Variants in CACNA1B observed in about 807,000 individuals in gnomAD.
CACNA1B encodes voltage-dependent N-type calcium channel subunit alpha-1B.
A neutral mutation model predicts 247.2 loss-of-function variants in CACNA1B; 70 were observed. That is an observed-to-expected ratio of 0.28 (90% confidence interval 0.23 to 0.35). The LOEUF (loss-of-function observed/expected upper bound fraction) is 0.35, where lower values mean the gene tolerates loss of function less well. CACNA1B is among the 10% of genes least tolerant of loss of function. The probability of loss-of-function intolerance (pLI) is 1.00; values close to 1 mark genes in which losing one functional copy is unlikely to be tolerated. For missense variants in CACNA1B, 2,367 were observed against 3,197.4 expected (o/e 0.74, Z 6.26); for synonymous variants, 1,231 against 1,294.4 (o/e 0.95, Z 1.05).
intron 3 of CACNA1B, among the ~76,000 whole-genome samples, chr9:137,885,380 G>T (rs1314445115): frequency 6.6e-6 from 1 of 152,216 alleles, no homozygotes; most frequent in South Asian, 2.1e-4. Flanking sequence ...TCCATGGGGA[G>T]CCCAGGGAGG....
chr9:137,972,293 T>C (rs1203942855), intron 11 of CACNA1B, among the ~76,000 whole-genome samples: 7 of 150,832 alleles, frequency 4.6e-5, no homozygotes, highest in Non-Finnish European at 8.9e-5. Flanking sequence ...AGTCCACCCA[T>C]GTTTTATGTC....
rs1172503294 is a variant in CACNA1B, at chr9:138,011,984, G to T, written c.2161-1145G>T. On this transcript the variant is annotated intron_variant, in intron 17 of 46. Coordinates refer to ENST00000371372, the MANE Select transcript of CACNA1B (RefSeq NM_000718.4). This position sits in a 1 kb window ranked among gnomAD's most constrained non-coding sequence, Gnocchi z 4.2. Reference sequence around the variant, plus strand: ...CATTCTGAGGCCTGTGGTCTCAGCCGAGAACTATTGATCCGGAACCCAGGT... The same window carrying T: ...CATTCTGAGGCCTGTGGTCTCAGCCTAGAACTATTGATCCGGAACCCAGGT... Among the ~76,000 whole-genome samples the T allele has an allele frequency of 6.6e-6, 1 of 152,144 alleles. No individual in the cohort carries two copies. The highest frequency in any genetic ancestry group is 6.5e-5 in the Admixed American group (1 of 15,282).
rs146014478 is a variant in CACNA1B at position 138,097,358 on chromosome 9, G to T, written c.5222+747G>T. Among the ~76,000 whole-genome samples, 533 of 152,278 alleles carry T rather than the reference G, an allele frequency of 3.5e-3. 3 individuals are homozygous for T. The highest frequency in any genetic ancestry group is 0.011 in the African/African-American group (441 of 41,552). On this transcript the variant is annotated intron_variant, in intron 37 of 46. Coordinates refer to ENST00000371372, the MANE Select transcript of CACNA1B (RefSeq NM_000718.4). ...CTGTTTGAGATCAGGATCCATGGGG[G>T]TCCCGTACAGCATGGCATCTCAGCA...
chr9:137,910,468 G>A (rs1321827646), intron 3 of CACNA1B, among the ~76,000 whole-genome samples: 2 of 152,136 alleles, frequency 1.3e-5, no homozygotes, highest in Non-Finnish European at 2.9e-5. Context: ...CGATTCAAGT[G>A]CGTTATTACA....
chr9:137,878,290 C>A, intron 1 of CACNA1B, 73 bp downstream of exon 1: 2 of 1,152,084 alleles, frequency 1.7e-6, no homozygotes, highest in Non-Finnish European at 2.2e-6. Context: ...GCCATCTTCC[C>A]GGTGGCCGGG....
intron 6 of CACNA1B, among the ~76,000 whole-genome samples, chr9:137,924,367 C>T (rs1266304365): frequency 6.7e-6 from 1 of 149,154 alleles, no homozygotes; most frequent in Non-Finnish European, 1.5e-5. Context: ...TTCCCTCCCT[C>T]TTTCCCCTCC....
intron 20 of CACNA1B, among the ~76,000 whole-genome samples, chr9:138,041,884 CG>C (rs1033213450): frequency 6.6e-6 from 1 of 152,074 alleles, no homozygotes; most frequent in African/African-American, 2.4e-5. Flanking sequence ...CCTCTGGAGT[CG>C]CTGGAACTGT....
chr9:138,064,698 C>T (rs1017463432), intron 31 of CACNA1B, among the ~76,000 whole-genome samples: 6 of 152,312 alleles, frequency 3.9e-5, no homozygotes, highest in African/African-American at 7.2e-5. Context: ...ATTGAGGCCT[C>T]GCTGCCCACT....
intron 40 of CACNA1B, among the ~76,000 whole-genome samples, chr9:138,113,069 A>G (rs1203528085): frequency 2.4e-5 from 3 of 123,780 alleles, no homozygotes; most frequent in African/African-American, 9.9e-5. Flanking sequence ...GAGGTGCCCA[A>G]CTCCATCTTG....
rs199588193 is a variant in CACNA1B, at chr9:137,878,122, G to A, written c.189G>A (p.Pro63=). The change falls in exon 1 of 47, where the codon CCG becomes CCA. Residue 63 remains proline, a synonymous_variant. Coordinates refer to ENST00000371372, the MANE Select transcript of CACNA1B (RefSeq NM_000718.4). ...ARTMALYNPI[P]VKQNCFTVNR... Reference sequence around the variant, plus strand: ...CCATGGCGCTGTACAACCCCATCCCGGTCAAGCAGAACTGCTTCACCGTCA... The same window carrying A: ...CCATGGCGCTGTACAACCCCATCCCAGTCAAGCAGAACTGCTTCACCGTCA... 3 of 1,337,818 alleles carry A rather than the reference G, an allele frequency of 2.2e-6. No homozygotes were observed. Among genetic ancestry groups the A allele is most frequent in the Non-Finnish European group, 2.9e-6 (3 of 1,035,528 alleles). 82.9% of individuals were successfully genotyped at this position (1,337,818 alleles called of 1,614,324 possible).
intron 10 of CACNA1B, among the ~76,000 whole-genome samples, chr9:137,968,344 C>T (rs547269900): frequency 2.0e-5 from 3 of 152,338 alleles, no homozygotes; most frequent in Admixed American, 1.3e-4. Flanking sequence ...CCCGTGTCAC[C>T]CTGTCGGCCC....
At chr9:137,943,079 T>C (rs984609799) in intron 6 of CACNA1B, among the ~76,000 whole-genome samples, 7 of 148,704 alleles carry the variant, frequency 4.7e-5, no homozygotes, top group African/African-American at 1.0e-4. Context: ...AGTTTCAAAC[T>C]TTTGTAAAGC....
At chr9:137,938,025 A>G (rs1392377544) in intron 6 of CACNA1B, among the ~76,000 whole-genome samples, 1 of 151,120 alleles carries the variant, frequency 6.6e-6, no homozygotes, top group Non-Finnish European at 1.5e-5. Context: ...GCACCAGGTA[A>G]CCTATAAAGG....
chr9:138,059,307 T>C lies in CACNA1B; in HGVS notation c.4584+118T>C. On this transcript the variant is annotated intron_variant, in intron 30 of 46. Coordinates refer to ENST00000371372, the MANE Select transcript of CACNA1B (RefSeq NM_000718.4). The surrounding 1 kb of genome is among the most constrained non-coding windows in gnomAD (Gnocchi z 4.2). Reference sequence around the variant, plus strand: ...GGGAATTCTCCGAGTACCCAGAGTATATGTAATGCTACAGGGGCCCTGGGG... The same window carrying C: ...GGGAATTCTCCGAGTACCCAGAGTACATGTAATGCTACAGGGGCCCTGGGG... The C allele has an allele frequency of 1.5e-6, 1 of 669,426 alleles. No homozygotes were observed. Among genetic ancestry groups the C allele is most frequent in the Admixed American group, 2.2e-5 (1 of 45,968 alleles). 41.5% of individuals were successfully genotyped at this position (669,426 alleles called of 1,614,324 possible).
intron 36 of CACNA1B, 35 bp downstream of exon 36, chr9:138,078,293 C>T (rs1960398175): frequency 6.2e-6 from 10 of 1,603,070 alleles, no homozygotes; most frequent in African/African-American, 4.0e-5. Context: ...CCCAGTGCCA[C>T]GTCTTGTCTC....
At position 138,058,914 on chromosome 9, in the gene CACNA1B, G is replaced by A. The variant is rs1959614032; in HGVS notation, c.4474-165G>A. On this transcript the variant is annotated intron_variant, in intron 29 of 46. Transcript: ENST00000371372. The surrounding 1 kb of genome is among the most constrained non-coding windows in gnomAD (Gnocchi z 4.7). ...TTTCCCTTTGTTGTCTGTGGGCTGGGACAGTGGGGAGGTTCTGGGAGGACT... is the reference window on the plus strand; with the variant it reads ...TTTCCCTTTGTTGTCTGTGGGCTGGAACAGTGGGGAGGTTCTGGGAGGACT... Among the ~76,000 whole-genome samples the A allele has an allele frequency of 6.6e-6, 1 of 152,188 alleles. No individual in the cohort carries two copies. The highest frequency in any genetic ancestry group is 6.5e-5 in the Admixed American group (1 of 15,280).
chr9:138,023,638 G>A lies in CACNA1B; in HGVS notation c.2895G>A (p.Gly965=), dbSNP rs1303008322. The change falls in exon 19 of 47, where the codon GGG becomes GGA. Residue 965 remains glycine (G), a synonymous_variant. Transcript: ENST00000371372. ...GGCACCGCGGCGGCCCCCGAGCGGG[G>A]CCCCGGGAGGCGGAGAGCGGGGAGG... ...RARHRGGPRA[G]PREAESGEEP... is the part of the protein sequence containing the mutation. The A allele has an allele frequency of 2.0e-5, 28 of 1,388,920 alleles. No individual in the cohort carries two copies. Among genetic ancestry groups the A allele is most frequent in the Middle Eastern group, 2.7e-4 (1 of 3,756 alleles). 86.0% of individuals were successfully genotyped at this position (1,388,920 alleles called of 1,614,324 possible).
intron 6 of CACNA1B, among the ~76,000 whole-genome samples, chr9:137,928,738 T>C (rs1957578423): frequency 6.6e-6 from 1 of 152,222 alleles, no homozygotes; most frequent in African/African-American, 2.4e-5. Flanking sequence ...TTTTAAGCAT[T>C]TTCATTAACC....
chr9:137,938,072 AAC>A (rs1483972944), intron 6 of CACNA1B, among the ~76,000 whole-genome samples: 1 of 152,048 alleles, frequency 6.6e-6, no homozygotes, highest in Non-Finnish European at 1.5e-5. Context: ...TCCCAACAGA[AAC>A]ACTACAAGCT....
Sources: allele counts gnomAD v4.1 joint callset (sites outside exome capture counted in the v4.1 genomes callset), GRCh38; gene constraint gnomAD v4.1.1; non-coding constraint Gnocchi (gnomAD v3.1); transcripts MANE v1.5; gene names NCBI Gene and HGNC (gene_info 2026-07-23, HGNC 2026-07-21).